The following ARHGAP24 variants were observed in gnomAD, a reference collection of about 807,000 sequenced individuals.
ARHGAP24 encodes the protein rho GTPase-activating protein 24.
ARHGAP24 carries 50 observed loss-of-function variants against 76.4 expected under a neutral mutation model. That is an observed-to-expected ratio of 0.65 (90% CI 0.52 to 0.83). The LOEUF (loss-of-function observed/expected upper bound fraction) is 0.83. Among genes scored for constraint, ARHGAP24 ranks in the 40% least tolerant of loss-of-function variants. ARHGAP24 has a pLI of 0.00. For synonymous variants in ARHGAP24, 345 were observed against 323.3 expected, an observed-to-expected ratio of 1.07 and a Z score of -0.72; for missense variants, 930 against 914.2, an observed-to-expected ratio of 1.02 and a Z score of -0.22.
chr4:85,807,156 A>G (rs1359103112), intron 3 of ARHGAP24, among the ~76,000 whole-genome samples: 1 of 152,174 alleles, frequency 6.6e-6, no homozygotes, highest in Non-Finnish European at 1.5e-5. Context: ...GATGTGCAGA[A>G]CGTGCAGGTG....
rs184967527 is a variant in ARHGAP24, at chr4:85,687,653, A to G, written c.181-34232A>G. Among the ~76,000 whole-genome samples, 16 of 152,204 alleles carry G rather than the reference A, an allele frequency of 1.1e-4. No individual in the cohort carries two copies. In the East Asian group the frequency reaches 3.1e-3, roughly 29 times the overall value. ...ATATATACCATATATTCTTTATCCA[A>G]TTCAGCATTAATGGACACCTAGATT... On this transcript the variant is annotated intron_variant, in intron 2 of 9. Transcript: ENST00000395184.
chr4:85,480,585 A>G (rs1264229555), intron 1 of ARHGAP24, among the ~76,000 whole-genome samples: 1 of 152,186 alleles, frequency 6.6e-6, no homozygotes, highest in Admixed American at 6.5e-5. Flanking sequence ...AATTAGTTAA[A>G]TATTTATAAA....
intron 2 of ARHGAP24, among the ~76,000 whole-genome samples, chr4:85,572,967 C>T (rs921454155): frequency 6.7e-6 from 1 of 148,516 alleles, no homozygotes; most frequent in African/African-American, 2.5e-5. Context: ...ACCTCTGCCT[C>T]CTGGGTTCAA....
intron 3 of ARHGAP24, among the ~76,000 whole-genome samples, chr4:85,761,449 G>T (rs536739322): frequency 6.6e-6 from 1 of 152,284 alleles, no homozygotes; most frequent in African/African-American, 2.4e-5. Flanking sequence ...CTGGCCTTTG[G>T]TTTATGTGAG....
At chr4:85,594,768 G>A (rs1728249050) in intron 2 of ARHGAP24, among the ~76,000 whole-genome samples, 1 of 151,940 alleles carries the variant, frequency 6.6e-6, no homozygotes, top group Non-Finnish European at 1.5e-5. Flanking sequence ...TATTTTGCTA[G>A]TTCATTCACC....
intron 3 of ARHGAP24, among the ~76,000 whole-genome samples, chr4:85,907,296 A>T (rs761429623): frequency 1.6e-4 from 25 of 152,164 alleles, no homozygotes; most frequent in Non-Finnish European, 1.0e-4. Flanking sequence ...TAGACAAACA[A>T]ATGTAGTCCA....
chr4:85,677,751 G>C (rs545657819), intron 2 of ARHGAP24, among the ~76,000 whole-genome samples: 1 of 152,190 alleles, frequency 6.6e-6, no homozygotes, highest in Admixed American at 6.5e-5. Flanking sequence ...ACTGTTTGTT[G>C]GTATTATGTA....
At position 85,482,888 on chromosome 4, in the gene ARHGAP24, A is replaced by T. The variant is rs111231806; in HGVS notation, c.-21+7329A>T. ...CACTATGTGGTAGATCTGGGATTCA[A>T]ATTAAAGTATCTCACTCCAAGAGAG... On this transcript the variant is annotated intron_variant, in intron 1 of 9. Coordinates refer to ENST00000395184, the MANE Select transcript of ARHGAP24 (RefSeq NM_001025616.3). 4.7e-3 allele frequency among the ~76,000 whole-genome samples: 713 copies of T among 152,232 alleles called. 6 individuals carry two copies. Among genetic ancestry groups the T allele is most frequent in the African/African-American group, 0.016 (684 of 41,536 alleles).
At chr4:85,884,607 A>T (rs1380565712) in intron 3 of ARHGAP24, among the ~76,000 whole-genome samples, 2 of 152,144 alleles carry the variant, frequency 1.3e-5, no homozygotes, top group Non-Finnish European at 2.9e-5. Flanking sequence ...GGGGTCTATA[A>T]ACTAATCTCC....
At chr4:85,990,839 A>G (rs1249789819) in intron 8 of ARHGAP24, 1 of 152,016 alleles carries the variant, frequency 6.6e-6, no homozygotes, top group African/African-American at 2.4e-5. Flanking sequence ...ATAATTTTAA[A>G]GAAATCTTAT....
chr4:85,810,932 G>T (rs1449178265), intron 3 of ARHGAP24, among the ~76,000 whole-genome samples: 1 of 152,150 alleles, frequency 6.6e-6, no homozygotes, highest in African/African-American at 2.4e-5. Flanking sequence ...TGTTTACTTG[G>T]TAGTTGTACT....
intron 4 of ARHGAP24, chr4:85,930,678 A>C: frequency 8.5e-7 from 1 of 1,173,056 alleles, no homozygotes; most frequent in African/African-American, 1.6e-5. Context: ...AAACTTAAAA[A>C]AAAGAAAAAA....
intron 1 of ARHGAP24, among the ~76,000 whole-genome samples, chr4:85,534,135 T>C (rs1439851381): frequency 6.6e-6 from 1 of 152,308 alleles, no homozygotes; most frequent in East Asian, 1.9e-4. Flanking sequence ...ACAGAGGAGA[T>C]GGCTAAGTTT....
At chr4:85,797,546 T>C (rs1045353631) in intron 3 of ARHGAP24, among the ~76,000 whole-genome samples, 1 of 152,202 alleles carries the variant, frequency 6.6e-6, no homozygotes, top group Non-Finnish European at 1.5e-5. Flanking sequence ...ATAGCTAAGG[T>C]GGACTGATCT....
chr4:85,995,652 A>G lies in ARHGAP24; in HGVS notation c.1998A>G (p.Ile666Met), dbSNP rs759493734. 2.5e-6 allele frequency: 4 copies of G among 1,613,894 alleles called. No homozygotes were observed. Among genetic ancestry groups the G allele is most frequent in the Non-Finnish European group, 3.4e-6 (4 of 1,179,928 alleles). Reference protein sequence around the residue: ...TKQKIEYESRIKSLEQRNLTL... With the variant: ...TKQKIEYESRMKSLEQRNLTL... ...AGAAGATAGAGTATGAGTCCAGGAT[A>G]AAGAGGTAAGGAAAATCTGGAGGTC... The change falls in exon 9 of 10, where the codon ATA (isoleucine) becomes ATG (methionine). Residue 666 changes from isoleucine to methionine, a missense_variant. Ile to Met is a conservative substitution (Grantham distance 10). Transcript: ENST00000395184.
intron 3 of ARHGAP24, among the ~76,000 whole-genome samples, chr4:85,829,686 C>A (rs1729891050): frequency 6.6e-6 from 1 of 152,232 alleles, no homozygotes; most frequent in South Asian, 2.1e-4. Flanking sequence ...AAGAGTTTAA[C>A]ATGACTATCA....
At chr4:85,832,676 A>G (rs1730057198) in intron 3 of ARHGAP24, among the ~76,000 whole-genome samples, 1 of 152,242 alleles carries the variant, frequency 6.6e-6, no homozygotes, top group African/African-American at 2.4e-5. Flanking sequence ...AATAAGAAGT[A>G]GTAGGTACCG....
At chr4:85,973,962 C>T (rs1288067063) in intron 6 of ARHGAP24, among the ~76,000 whole-genome samples, 1 of 150,228 alleles carries the variant, frequency 6.7e-6, no homozygotes, top group Non-Finnish European at 1.5e-5. Context: ...CCTGCCTCAG[C>T]CTCCCAAGTA....
At chr4:85,505,825 C>A (rs1269116888) in intron 1 of ARHGAP24, among the ~76,000 whole-genome samples, 2 of 152,090 alleles carry the variant, frequency 1.3e-5, no homozygotes, top group South Asian at 2.1e-4. Flanking sequence ...GAATTTTCAA[C>A]TTTTTGCCCT....
Sources: gnomAD v4.1 joint callset for allele counts (sites outside exome capture counted in the v4.1 genomes callset) on GRCh38, gnomAD v4.1.1 for gene constraint, MANE v1.5 for transcripts, NCBI Gene and HGNC (gene_info 2026-07-23, HGNC 2026-07-21) for gene names.